KNOP1: variants seen among roughly 807,000 people sequenced by gnomAD.
KNOP1 encodes lysine rich nucleolar protein 1.
In KNOP1, 20 loss-of-function variants were observed where a neutral mutation model predicts 30.6. The ratio of observed to expected loss-of-function variants is 0.65; its 90% CI spans 0.46 to 0.95. The LOEUF (loss-of-function observed/expected upper bound fraction) is 0.95, where lower values mean the gene tolerates loss of function less well. KNOP1 is among the 40% of genes least tolerant of loss of function. The probability of loss-of-function intolerance (pLI) is 0.00; values close to 1 mark genes in which losing one functional copy is unlikely to be tolerated. For missense variants in KNOP1, 540 were observed against 562.0 expected (o/e 0.96, Z 0.40); for synonymous variants, 204 against 210.0 (o/e 0.97, Z 0.25).
chr16:19,715,752 T>C (rs1483209983), intron 1 of KNOP1, among the ~76,000 whole-genome samples: 1 of 152,068 alleles, frequency 6.6e-6, no homozygotes, highest in Non-Finnish European at 1.5e-5. Flanking sequence ...TTGAAGTTGA[T>C]TGCCAACACT....
At chr16:19,711,267 G>A in intron 3 of KNOP1, 105 bp downstream of exon 3, 4 of 1,137,314 alleles carry the variant, frequency 3.5e-6, no homozygotes, top group Non-Finnish European at 5.3e-6. Context: ...GGAGTCCCTG[G>A]TGCCCCTGAG....
chr16:19,702,456 C>G lies in KNOP1; in HGVS notation c.*4454G>C, dbSNP rs918747498. On this transcript the variant is annotated 3_prime_UTR_variant, in exon 5 of 5. Transcript: ENST00000219837. ...CCTAGGCCAGTGAATTCTTACCGCT[C>G]TCACATTACACCTGAACTTGGACTT... is the stretch of plus-strand genomic sequence containing the variant. The G allele has an allele frequency of 2.6e-5, 4 of 152,252 alleles. No individual in the cohort carries two copies. The highest frequency in any genetic ancestry group is 1.3e-4 in the Admixed American group (2 of 15,284). The allele number at this position is 152,252 out of a possible 1,614,324, so 9.4% of individuals were successfully genotyped here.
chr16:19,710,224 G>C, intron 4 of KNOP1: 1 of 502,690 alleles, frequency 2.0e-6, no homozygotes, highest in Non-Finnish European at 3.6e-6. Context: ...TGTGTCCTCA[G>C]TGATTAATCC....
chr16:19,706,884 G>A lies in KNOP1; in HGVS notation c.*26C>T. The A allele has an allele frequency of 6.2e-7, 1 of 1,606,102 alleles. No individual in the cohort carries two copies. The highest frequency in any genetic ancestry group is 8.5e-7 in the Non-Finnish European group (1 of 1,177,932). ...TGGAATAATCAAAGCAATTGTGGCA[G>A]TTTTGGGGGGACAAAACTCTAGAGT... On this transcript the variant is annotated 3_prime_UTR_variant, in exon 5 of 5. Transcript: ENST00000219837.
At chr16:19,712,769 C>T (rs747134676) in intron 2 of KNOP1, among the ~76,000 whole-genome samples, 6 of 152,242 alleles carry the variant, frequency 3.9e-5, no homozygotes, top group Admixed American at 6.5e-5. Flanking sequence ...GCAGGACACA[C>T]ACCCTGAAAC....
In KNOP1 at chr16:19,715,177, A is replaced by G. The variant is rs114853135; in HGVS notation, c.-2-140T>C. ...GGGAAAATGGACATGATTCCTTTAA[A>G]GCAAAAAAAGAAATACTACAGAAAC... On this transcript the variant is annotated intron_variant, in intron 1 of 4. Transcript: ENST00000219837. The G allele has an allele frequency of 2.0e-3, 1,181 of 576,650 alleles. 12 individuals carry two copies. Among genetic ancestry groups the G allele is most frequent in the African/African-American group, 0.02 (1,063 of 52,540 alleles). The allele number at this position is 576,650 out of a possible 1,614,324, so 35.7% of individuals were successfully genotyped here.
In KNOP1 at chr16:19,706,201, C is replaced by T. The variant is rs1200517350; in HGVS notation, c.*709G>A. 1 of 152,520 alleles carries T rather than the reference C, an allele frequency of 6.6e-6. No individual in the cohort carries two copies. The highest frequency in any genetic ancestry group is 2.4e-5 in the African/African-American group (1 of 41,442). The allele number at this position is 152,520 out of a possible 1,614,324, so 9.4% of individuals were successfully genotyped here. A position where few individuals can be genotyped will look rare whatever the true frequency, so the allele number is the denominator to read the frequency against. ...GTTCCTCATTCACTCCACTTTTTATCAGAGATGCAGACTTGTCATAAAACT... is the reference window on the plus strand; with the variant it reads ...GTTCCTCATTCACTCCACTTTTTATTAGAGATGCAGACTTGTCATAAAACT... On this transcript the variant is annotated 3_prime_UTR_variant, in exon 5 of 5. Transcript: ENST00000219837.
Position 19,714,283 on chromosome 16 carries a change from C to T in KNOP1, c.753G>A (p.Glu251=), listed in dbSNP as rs779293816. The T allele has an allele frequency of 1.2e-6, 2 of 1,614,024 alleles. No individual in the cohort carries two copies. The highest frequency in any genetic ancestry group is 1.7e-6 in the Non-Finnish European group (2 of 1,180,030). ...KGSKKKPVKV[E]APEYIPISDD... is the part of the protein sequence containing the mutation. Reference sequence around the variant, plus strand: ...CACTTATGGGGATGTATTCCGGAGCCTCAACTTTGACTGGCTTCTTTTTAC... The same window carrying T: ...CACTTATGGGGATGTATTCCGGAGCTTCAACTTTGACTGGCTTCTTTTTAC... Residue 251 remains glutamate, a synonymous_variant, in exon 2 of 5, where the codon GAG becomes GAA. Transcript: ENST00000219837.
chr16:19,709,208 C>T (rs1016635844), intron 4 of KNOP1, among the ~76,000 whole-genome samples: 3 of 152,174 alleles, frequency 2.0e-5, no homozygotes, highest in African/African-American at 7.2e-5. Flanking sequence ...GGGAAGGTAC[C>T]TGGCCAGAGT....
At position 19,707,031 on chromosome 16, in the gene KNOP1, T is replaced by C. The variant is rs371288093; in HGVS notation, c.1256A>G (p.Asp419Gly). Reference protein sequence around the residue: ...ADSLQQNLQRDYDRAMSWKYS... With the variant: ...ADSLQQNLQRGYDRAMSWKYS... ...CTTCCAGCTCATGGCCCGGTCGTAG[T>C]CCCGCTGCAGATTCTGCTGCAGGCT... The change falls in exon 5 of 5, where the codon GAC becomes GGC. Residue 419 changes from aspartate to glycine, a missense_variant. Coordinates refer to ENST00000219837, the MANE Select transcript of KNOP1 (RefSeq NM_001012991.3). The C allele has an allele frequency of 2.4e-5, 39 of 1,614,036 alleles. No individual in the cohort carries two copies. The highest frequency in any genetic ancestry group is 1.7e-4 in the Middle Eastern group (1 of 6,054).
intron 4 of KNOP1, among the ~76,000 whole-genome samples, chr16:19,709,553 C>T (rs1567511983): frequency 1.3e-5 from 2 of 152,214 alleles, no homozygotes; most frequent in African/African-American, 2.4e-5. Flanking sequence ...CTATCATGGC[C>T]GCTGAGGCCG....
chr16:19,711,494 G>A, intron 2 of KNOP1, 54 bp from the exon 3 acceptor site: 1 of 1,549,854 alleles, frequency 6.5e-7, no homozygotes, highest in Non-Finnish European at 8.9e-7. Flanking sequence ...AATGGCCTCT[G>A]CCTCTGCACC....
In KNOP1 at chr16:19,705,230, A is replaced by C. The variant is rs1256999189; in HGVS notation, c.*1680T>G. On this transcript the variant is annotated 3_prime_UTR_variant, in exon 5 of 5. Coordinates refer to ENST00000219837, the MANE Select transcript of KNOP1 (RefSeq NM_001012991.3). The stretch of plus-strand genomic sequence containing the variant: ...TTGGCGAGCTGTTGAACCAGGCCCT[A>C]ATCAGGCCTTCCTGCCACGTGAGAC... 2.2e-6 allele frequency: 1 copy of C among 456,064 alleles called. No individual in the cohort carries two copies. The highest frequency in any genetic ancestry group is 7.0e-5 in the East Asian group (1 of 14,388). 28.3% of individuals were successfully genotyped at this position (456,064 alleles called of 1,614,324 possible).
At chr16:19,717,043 A>C (rs1977160104) in intron 1 of KNOP1, among the ~76,000 whole-genome samples, 1 of 151,296 alleles carries the variant, frequency 6.6e-6, no homozygotes, top group Non-Finnish European at 1.5e-5. Context: ...GGGTTTTACT[A>C]TGTTGGCCAG....
At position 19,705,482 on chromosome 16, in the gene KNOP1, A is replaced by G; in HGVS notation, c.*1428T>C. 1 of 320,708 alleles carries G rather than the reference A, an allele frequency of 3.1e-6. No individual in the cohort carries two copies. The allele number at this position is 320,708 out of a possible 1,614,324, so 19.9% of individuals were successfully genotyped here. On this transcript the variant is annotated 3_prime_UTR_variant, in exon 5 of 5. Coordinates refer to ENST00000219837, the MANE Select transcript of KNOP1 (RefSeq NM_001012991.3). ...CCAGGCTTGGAAACGCTGTCCCCAC[A>G]GCCGATGAGGCAACTTCCCGTGTCA...
rs184333892 is a variant in KNOP1 at position 19,704,875 on chromosome 16, G to A, written c.*2035C>T. The stretch of plus-strand genomic sequence containing the variant: ...AACTATTGACCTGGCCAATGCTTGC[G>A]GATCAGGGTTCAGAGCCAGGGAAAC... On this transcript the variant is annotated 3_prime_UTR_variant, in exon 5 of 5. Transcript: ENST00000219837. 35 of 253,188 alleles carry A rather than the reference G, an allele frequency of 1.4e-4. No homozygotes were observed. The East Asian group carries it at 1.7e-3, about 13-fold the overall frequency. The allele number at this position is 253,188 out of a possible 1,614,324, so 15.7% of individuals were successfully genotyped here. A position where few individuals can be genotyped will look rare whatever the true frequency, so the allele number is the denominator to read the frequency against.
chr16:19,714,644 G>T lies in KNOP1; in HGVS notation c.392C>A (p.Thr131Asn). The T allele has an allele frequency of 6.2e-7, 1 of 1,614,060 alleles. No individual in the cohort carries two copies. Among genetic ancestry groups the T allele is most frequent in the Non-Finnish European group, 8.5e-7 (1 of 1,180,012 alleles). The change falls in exon 2 of 5, where the codon ACC (threonine) becomes AAC (asparagine). Residue 131 changes from threonine (T) to asparagine (N), a missense_variant. By Grantham distance (65) the Thr-to-Asn change is moderately conservative. Coordinates refer to ENST00000219837, the MANE Select transcript of KNOP1 (RefSeq NM_001012991.3). ...LAMSHASGVK[T>N]SPDPRQGEEE... ...CTCACCCTGTCTAGGGTCTGGGGAG[G>T]TTTTCACCCCAGAGGCATGGGACAT...
chr16:19,715,384 T>G (rs1408344231), intron 1 of KNOP1: 2 of 201,776 alleles, frequency 9.9e-6, no homozygotes, highest in African/African-American at 4.6e-5. Flanking sequence ...AAGGGCTTGG[T>G]ACACTGTTAA....
chr16:19,703,729 G>GT lies in KNOP1; in HGVS notation c.*3180dup, dbSNP rs1212705377. 6.6e-6 allele frequency: 1 copy of GT among 152,128 alleles called. No homozygotes were observed. The highest frequency in any genetic ancestry group is 1.5e-5 in the Non-Finnish European group (1 of 68,044). The allele number at this position is 152,128 out of a possible 1,614,324, so 9.4% of individuals were successfully genotyped here. ...TCTCCCAAGACAAGACTGCCAGAGG[G>GT]TGGGGTCCTGCTCATCTGAGAGATG... On this transcript the variant is annotated 3_prime_UTR_variant, in exon 5 of 5. Transcript: ENST00000219837.
Sources: allele counts gnomAD v4.1 joint callset (sites outside exome capture counted in the v4.1 genomes callset), GRCh38; gene constraint gnomAD v4.1.1; transcripts MANE v1.5; gene names NCBI Gene and HGNC (gene_info 2026-07-23, HGNC 2026-07-21).